The following INPP5F variants were observed in gnomAD, a reference collection of about 807,000 sequenced individuals.
INPP5F encodes inositol polyphosphate-5-phosphatase F.
A neutral mutation model predicts 137.2 loss-of-function variants in INPP5F; 97 were observed. The observed-to-expected ratio is 0.71, with a 90% CI of 0.60 to 0.84. INPP5F has a LOEUF of 0.84. Among genes scored for constraint, INPP5F ranks in the 40% least tolerant of loss-of-function variants. The pLI is 0.00. For missense variants in INPP5F, 1,271 were observed against 1,371.9 expected, an observed-to-expected ratio of 0.93 and a Z score of 1.16; for synonymous variants, 504 against 476.9, an observed-to-expected ratio of 1.06 and a Z score of -0.74.
Position 119,826,907 on chromosome 10 carries a change from G to A in INPP5F, c.2526G>A (p.Lys842=). ...ETMENTGVMD[K]VQAESDGDMS... Reference sequence around the variant, plus strand: ...TGGAAAACACAGGAGTGATGGATAAGGTTCAGGCAGAGTCTGATGGGGACA... The same window carrying A: ...TGGAAAACACAGGAGTGATGGATAAAGTTCAGGCAGAGTCTGATGGGGACA... Residue 842 remains lysine, a synonymous_variant, in exon 20 of 20, where the codon AAG becomes AAA. Transcript: ENST00000650623. 6.2e-7 allele frequency: 1 copy of A among 1,614,126 alleles called. No homozygotes were observed. The highest frequency in any genetic ancestry group is 8.5e-7 in the Non-Finnish European group (1 of 1,179,996).
chr10:119,805,319 C>G (rs1850730091), intron 10 of INPP5F, 65 bp from the exon 11 acceptor site: 1 of 1,299,354 alleles, frequency 7.7e-7, no homozygotes, highest in African/African-American at 1.5e-5. Context: ...AATAGCATAT[C>G]TTAAGTTTTA....
At chr10:119,764,771 T>C (rs868151692) in intron 2 of INPP5F, among the ~76,000 whole-genome samples, 13 of 151,970 alleles carry the variant, frequency 8.6e-5, no homozygotes, top group Admixed American at 2.0e-4. Flanking sequence ...TTAGTAGATA[T>C]GGAGTTTCAC....
At chr10:119,763,555 A>C (rs1249571533) in intron 2 of INPP5F, among the ~76,000 whole-genome samples, 3 of 152,164 alleles carry the variant, frequency 2.0e-5, no homozygotes, top group Non-Finnish European at 4.4e-5. Flanking sequence ...ATTCCTTCCC[A>C]GTTCATTCCC....
intron 3 of INPP5F, among the ~76,000 whole-genome samples, chr10:119,790,168 G>GT (rs1455019360): frequency 1.3e-5 from 2 of 152,020 alleles, no homozygotes; most frequent in Admixed American, 1.3e-4. Flanking sequence ...GCTCGGGGGT[G>GT]TGCAGAGGAG....
chr10:119,769,071 C>A (rs193291590), intron 2 of INPP5F, among the ~76,000 whole-genome samples: 85 of 152,240 alleles, frequency 5.6e-4, no homozygotes, highest in African/African-American at 1.9e-3. Flanking sequence ...AAGAGAACTT[C>A]AGTTTTATCT....
At chr10:119,776,418 G>GA (rs1447800287) in intron 2 of INPP5F, among the ~76,000 whole-genome samples, 1 of 152,024 alleles carries the variant, frequency 6.6e-6, no homozygotes, top group Non-Finnish European at 1.5e-5. Context: ...GTTTTTGTGG[G>GA]AAAAAAGATG....
chr10:119,801,945 A>G (rs553664155), intron 9 of INPP5F, among the ~76,000 whole-genome samples: 14 of 152,266 alleles, frequency 9.2e-5, no homozygotes, highest in African/African-American at 3.4e-4. Flanking sequence ...CCTGATTTCG[A>G]ACAGTACCCC....
chr10:119,764,583 CT>C (rs750705071), intron 2 of INPP5F, among the ~76,000 whole-genome samples: 265 of 140,270 alleles, frequency 1.9e-3, no homozygotes, highest in Middle Eastern at 3.7e-3. Context: ...TTATGGTTTT[CT>C]TTTTTTTTTT....
intron 9 of INPP5F, 82 bp downstream of exon 9, chr10:119,798,692 T>C: frequency 5.6e-6 from 5 of 895,274 alleles, no homozygotes; most frequent in Non-Finnish European, 8.6e-6. Flanking sequence ...AATAACATTG[T>C]ACTATTCAAA....
rs116537634 is a variant in INPP5F at position 119,817,550 on chromosome 10, G to A, written c.1887-3296G>A. Among the ~76,000 whole-genome samples the A allele has an allele frequency of 4.6e-3, 693 of 152,154 alleles. 9 individuals carry two copies. The highest frequency in any genetic ancestry group is 0.016 in the African/African-American group (669 of 41,534). On this transcript the variant is annotated intron_variant, in intron 15 of 19. Transcript: ENST00000650623. ...CAGTCATCCTACTTAGTGTGAAGTGGTATCTCATTGTGGTTTTGATTTGCA... is the reference window on the plus strand; with the variant it reads ...CAGTCATCCTACTTAGTGTGAAGTGATATCTCATTGTGGTTTTGATTTGCA...
At chr10:119,783,878 A>G (rs534423048) in intron 3 of INPP5F, among the ~76,000 whole-genome samples, 1 of 152,350 alleles carries the variant, frequency 6.6e-6, no homozygotes, top group Non-Finnish European at 1.5e-5. Context: ...AGTTGAGTAT[A>G]CGTAACGACT....
At position 119,827,184 on chromosome 10, in the gene INPP5F, T is replaced by A. The variant is rs1237298875; in HGVS notation, c.2803T>A (p.Ser935Thr). 2 of 1,613,982 alleles carry A rather than the reference T, an allele frequency of 1.2e-6. No individual in the cohort carries two copies. The highest frequency in any genetic ancestry group is 1.7e-6 in the Non-Finnish European group (2 of 1,179,998). The change falls in exon 20 of 20, where the codon TCT becomes ACT. Residue 935 changes from serine (S) to threonine (T), a missense_variant. Ser to Thr is a moderately conservative substitution (Grantham distance 58, BLOSUM62 1). Coordinates refer to ENST00000650623, the MANE Select transcript of INPP5F (RefSeq NM_014937.4). The stretch of plus-strand genomic sequence containing the variant: ...GAGTGGGCTTGGAAAAGGCCAGGAG[T>A]CTCCTTTGAAGAAAAGTCCTTCTGC... ...HGSGLGKGQE[S>T]PLKKSPSAGD...
chr10:119,814,086 A>G (rs1290149695), intron 15 of INPP5F, among the ~76,000 whole-genome samples: 1 of 151,948 alleles, frequency 6.6e-6, no homozygotes, highest in East Asian at 1.9e-4. Context: ...TCTTCTGTTC[A>G]TCTTCTTTAA....
intron 2 of INPP5F, among the ~76,000 whole-genome samples, chr10:119,765,633 C>T (rs188631804): frequency 8.9e-5 from 13 of 145,752 alleles, no homozygotes; most frequent in African/African-American, 2.5e-4. Context: ...CCAACTATCT[C>T]GGCCTCCCAA....
chr10:119,757,527 C>A lies in INPP5F; in HGVS notation c.178+6371C>A, dbSNP rs528638832. Among the ~76,000 whole-genome samples the A allele has an allele frequency of 7.9e-5, 12 of 152,042 alleles. 1 individual carries two copies. The highest frequency in any genetic ancestry group is 7.9e-4 in the Admixed American group (12 of 15,282). The stretch of plus-strand genomic sequence containing the variant: ...AGTCAAGGCCGGGCATGTGGTGGCT[C>A]ACACCTGTAATCCTAGCACTTTGGG... On this transcript the variant is annotated intron_variant, in intron 2 of 19. Transcript: ENST00000650623.
Position 119,726,365 on chromosome 10 carries a change from G to GCTGGCGGTGCGGGCGGGGGGCAC in INPP5F, c.97+8_97+30dup. 7.4e-7 allele frequency: 1 copy of GCTGGCGGTGCGGGCGGGGGGCAC among 1,347,990 alleles called. No individual in the cohort carries two copies. The highest frequency in any genetic ancestry group is 1.8e-5 in the South Asian group (1 of 54,938). The allele number at this position is 1,347,990 out of a possible 1,614,324, so 83.5% of individuals were successfully genotyped here. A position where few individuals can be genotyped will look rare whatever the true frequency, so the allele number is the denominator to read the frequency against. On this transcript the variant is annotated splice_region_variant and intron_variant, in intron 1 of 19. Transcript: ENST00000650623. Reference sequence around the variant, plus strand: ...CGGCCTCCAGCTCCGACCCGGTGAGGCTGGCGGTGCGGGCGGGGGGCACCC... The same window carrying GCTGGCGGTGCGGGCGGGGGGCAC: ...CGGCCTCCAGCTCCGACCCGGTGAGGCTGGCGGTGCGGGCGGGGGGCACCTGGCGGTGCGGGCGGGGGGCACCC...
At chr10:119,742,349 G>C (rs1482903714) in intron 1 of INPP5F, among the ~76,000 whole-genome samples, 1 of 151,882 alleles carries the variant, frequency 6.6e-6, no homozygotes, top group Admixed American at 6.6e-5. Context: ...GTAGAGACAG[G>C]GTTTCACCAT....
At chr10:119,738,115 G>A (rs1324470992) in intron 1 of INPP5F, among the ~76,000 whole-genome samples, 1 of 152,148 alleles carries the variant, frequency 6.6e-6, no homozygotes, top group African/African-American at 2.4e-5. Context: ...ACTGCCAAAT[G>A]GATCTGAAAT....
intron 3 of INPP5F, among the ~76,000 whole-genome samples, chr10:119,782,191 C>G (rs181105664): frequency 6.6e-6 from 1 of 152,306 alleles, no homozygotes; most frequent in East Asian, 1.9e-4. Flanking sequence ...ATATATTACT[C>G]TATTAAAATT....
Sources: allele counts gnomAD v4.1 joint callset (sites outside exome capture counted in the v4.1 genomes callset), GRCh38; gene constraint gnomAD v4.1.1; transcripts MANE v1.5; gene names NCBI Gene and HGNC (gene_info 2026-07-23, HGNC 2026-07-21).